PCNX4: variants seen among roughly 807,000 people sequenced by gnomAD.
PCNX4 encodes the protein pecanex 4.
Under a neutral mutation model 107.2 loss-of-function variants are expected in PCNX4, and 103 were observed. The ratio of observed to expected loss-of-function variants is 0.96; its 90% confidence interval spans 0.82 to 1.13. The LOEUF (loss-of-function observed/expected upper bound fraction) is 1.13. Among genes scored for constraint, PCNX4 ranks in the 50% most tolerant of loss-of-function variants. The pLI, the probability that PCNX4 is intolerant of heterozygous loss-of-function variation, is 0.00. For synonymous variants in PCNX4, 541 were observed against 481.7 expected, an observed-to-expected ratio of 1.12 and a Z score of -1.61; for missense variants, 1,528 against 1,379.4, an observed-to-expected ratio of 1.11 and a Z score of -1.71.
chr14:60,106,700 A>G (rs1456020272), intron 1 of PCNX4, among the ~76,000 whole-genome samples: 1 of 152,242 alleles, frequency 6.6e-6, no homozygotes, highest in Non-Finnish European at 1.5e-5. Context: ...TCTCTCCAGA[A>G]TTGATATTGG....
At position 60,114,779 on chromosome 14, in the gene PCNX4, G is replaced by T; in HGVS notation, c.769G>T (p.Ala257Ser). The T allele has an allele frequency of 6.2e-7, 1 of 1,613,718 alleles. No homozygotes were observed. Among genetic ancestry groups the T allele is most frequent in the Non-Finnish European group, 8.5e-7 (1 of 1,179,826 alleles). ...GTTTGTATTTTTACCCTTTCTGTGG[G>T]CACTTGGGACTCTGCCCCCACCCGA... ...ILFVFLPFLWALGTLPPPDAL... is the reference protein window; with the variant it reads ...ILFVFLPFLWSLGTLPPPDAL... The change falls in exon 3 of 11, where the codon GCA becomes TCA. Residue 257 changes from alanine (A) to serine (S), a missense_variant. Coordinates refer to ENST00000406854, the MANE Select transcript of PCNX4 (RefSeq NM_001330177.2).
chr14:60,124,186 A>C, intron 8 of PCNX4, 32 bp from the exon 9 acceptor site: 1 of 1,466,500 alleles, frequency 6.8e-7, no homozygotes, highest in African/African-American at 1.4e-5. Context: ...ATAAATGATT[A>C]TAAACTCAAG....
In PCNX4 at chr14:60,134,519, A is replaced by G. The variant is rs1274164819; in HGVS notation, c.*298A>G. 1.3e-5 allele frequency: 4 copies of G among 308,992 alleles called. No homozygotes were observed. Among genetic ancestry groups the G allele is most frequent in the East Asian group, 6.5e-5 (1 of 15,330 alleles). 19.1% of individuals were successfully genotyped at this position (308,992 alleles called of 1,614,324 possible). ...GAATTATCATATAATGAATTTTGTA[A>G]TGCTTTCTTAAATGTGTTATAGGTG... On this transcript the variant is annotated 3_prime_UTR_variant, in exon 11 of 11. Coordinates refer to ENST00000406854, the MANE Select transcript of PCNX4 (RefSeq NM_001330177.2).
Position 60,118,422 on chromosome 14 carries a change from C to T in PCNX4, c.1672C>T (p.Arg558Cys), listed in dbSNP as rs940698015. Residue 558 changes from arginine to cysteine, a missense_variant, in exon 7 of 11, where the codon CGT becomes TGT. Transcript: ENST00000406854. The part of the protein sequence containing the change: ...LLTSWTEKKQ[R>C]RKTTATLCIL... ...GACATCATGGACAGAGAAAAAACAACGTCGAAAAACAACTGCCACTTTATG... is the reference window on the plus strand; with the variant it reads ...GACATCATGGACAGAGAAAAAACAATGTCGAAAAACAACTGCCACTTTATG... 5.6e-6 allele frequency: 9 copies of T among 1,613,402 alleles called. No individual in the cohort carries two copies. Among genetic ancestry groups the T allele is most frequent in the Middle Eastern group, 1.7e-4 (1 of 6,060 alleles).
chr14:60,112,808 A>ACC (rs1188628625), intron 2 of PCNX4, among the ~76,000 whole-genome samples: 1 of 152,222 alleles, frequency 6.6e-6, no homozygotes, highest in Non-Finnish European at 1.5e-5. Context: ...TCTACTCAGA[A>ACC]TGAAATGAAT....
chr14:60,111,270 A>G (rs1286123115), intron 2 of PCNX4: 1 of 152,094 alleles, frequency 6.6e-6, no homozygotes, highest in Non-Finnish European at 1.5e-5. Flanking sequence ...TCTGTTTGCA[A>G]TTTCTTAACT....
intron 2 of PCNX4, among the ~76,000 whole-genome samples, chr14:60,112,649 A>G (rs575556985): frequency 1.3e-5 from 2 of 152,246 alleles, no homozygotes; most frequent in South Asian, 2.1e-4. Context: ...AGCATACATT[A>G]TTTTTACACA....
At chr14:60,108,385 G>A (rs1895672726) in intron 2 of PCNX4, 58 bp downstream of exon 2, 1 of 1,306,792 alleles carries the variant, frequency 7.7e-7, no homozygotes, top group African/African-American at 1.5e-5. Flanking sequence ...CAGAGTAAGA[G>A]AGCTTTCCTT....
chr14:60,102,727 A>G (rs978664346), intron 1 of PCNX4, among the ~76,000 whole-genome samples: 3 of 152,154 alleles, frequency 2.0e-5, no homozygotes, highest in Non-Finnish European at 4.4e-5. Context: ...TGAATATTGT[A>G]GAGGTGGCAT....
Position 60,124,296 on chromosome 14 carries a change from C to A in PCNX4, c.2125C>A (p.Gln709Lys). The change falls in exon 9 of 11, where the codon CAA (glutamine) becomes AAA (lysine). Residue 709 changes from glutamine to lysine, a missense_variant. By Grantham distance (53) the Gln-to-Lys change is moderately conservative (BLOSUM62 1). Coordinates refer to ENST00000406854, the MANE Select transcript of PCNX4 (RefSeq NM_001330177.2). ...VDEVFEDAFE[Q>K]EYTRVCSLNE... ...TGAAGTTTTTGAAGATGCTTTTGAG[C>A]AAGAATACACAAGAGTATGTTCCCT... is the stretch of plus-strand genomic sequence containing the variant. 6.2e-7 allele frequency: 1 copy of A among 1,608,242 alleles called. No homozygotes were observed.
At chr14:60,120,533 A>G (rs1017053120) in intron 7 of PCNX4, among the ~76,000 whole-genome samples, 1 of 152,200 alleles carries the variant, frequency 6.6e-6, no homozygotes, top group Non-Finnish European at 1.5e-5. Context: ...TGAACCACAT[A>G]TTGTACAAGC....
intron 1 of PCNX4, among the ~76,000 whole-genome samples, chr14:60,094,869 G>A (rs1895392923): frequency 6.7e-6 from 1 of 148,302 alleles, no homozygotes. Context: ...AACTGACATT[G>A]TATCTTGGTT....
At chr14:60,104,318 CAAAAAAA>C (rs200434027) in intron 1 of PCNX4, among the ~76,000 whole-genome samples, 61 of 129,554 alleles carry the variant, frequency 4.7e-4, no homozygotes, top group African/African-American at 2.1e-3. Flanking sequence ...GACTCCATCT[CAAAAAAA>C]AAAAAAAAAA....
intron 10 of PCNX4, among the ~76,000 whole-genome samples, chr14:60,131,041 T>TC (rs80227682): frequency 6.6e-6 from 1 of 151,880 alleles, no homozygotes; most frequent in Non-Finnish European, 1.5e-5. Flanking sequence ...GTCTTTCTGC[T>TC]TAGAACAGAA....
intron 1 of PCNX4, among the ~76,000 whole-genome samples, chr14:60,103,087 T>C (rs967494619): frequency 2.0e-5 from 3 of 152,224 alleles, no homozygotes; most frequent in African/African-American, 7.2e-5. Context: ...AGGTCTGATA[T>C]GCTTGCTACC....
chr14:60,129,189 G>A (rs778669194), intron 10 of PCNX4, among the ~76,000 whole-genome samples: 4 of 150,670 alleles, frequency 2.7e-5, no homozygotes, highest in African/African-American at 4.9e-5. Context: ...GCAGTGAGCC[G>A]AGATTGCACC....
rs1161227102 is a variant in PCNX4, at chr14:60,124,329, C to G, written c.2158C>G (p.His720Asp). ...EYTRVCSLNEHFGNVLTPCTV... is the reference protein window; with the variant it reads ...EYTRVCSLNEDFGNVLTPCTV... The stretch of plus-strand genomic sequence containing the variant: ...CACAAGAGTATGTTCCCTTAATGAA[C>G]ACTTTGGAAATGTCTTGACACCCTG... Residue 720 changes from histidine (H) to aspartate (D), a missense_variant, in exon 9 of 11, where the codon CAC becomes GAC. Transcript: ENST00000406854. The G allele has an allele frequency of 6.2e-7, 1 of 1,612,410 alleles. No individual in the cohort carries two copies. The highest frequency in any genetic ancestry group is 2.2e-5 in the East Asian group (1 of 44,868).
At chr14:60,094,761 G>GCCCCCCCC (rs11421878) in intron 1 of PCNX4, among the ~76,000 whole-genome samples, 3 of 107,136 alleles carry the variant, frequency 2.8e-5, no homozygotes, top group South Asian at 3.5e-4. Flanking sequence ...TTGCTGTAGA[G>GCCCCCCCC]CCCCCCCCCA....
Position 60,114,733 on chromosome 14 carries a change from G to A in PCNX4, c.723G>A (p.Met241Ile). 6.2e-7 allele frequency: 1 copy of A among 1,613,526 alleles called. No homozygotes were observed. Among genetic ancestry groups the A allele is most frequent in the African/African-American group, 1.3e-5 (1 of 74,968 alleles). ...TAAATATGCCAGCTCTAGAACACAT[G>A]AATCAGATTTTACACATCTTGTTTG... ...FVVNMPALEH[M>I]NQILHILFVF... Residue 241 changes from methionine (M) to isoleucine (I), a missense_variant, in exon 3 of 11, where the codon ATG becomes ATA. By Grantham distance (10) the Met-to-Ile change is conservative (BLOSUM62 1). Transcript: ENST00000406854.
Sources: allele counts gnomAD v4.1 joint callset (sites outside exome capture counted in the v4.1 genomes callset), GRCh38; gene constraint gnomAD v4.1.1; transcripts MANE v1.5; gene names NCBI Gene and HGNC (gene_info 2026-07-23, HGNC 2026-07-21).